Variants in CHD9 observed in about 807,000 individuals in gnomAD.
CHD9 encodes chromodomain helicase DNA binding protein 9.
CHD9 carries 77 observed loss-of-function variants against 316.1 expected under a neutral mutation model. The ratio of observed to expected loss-of-function variants is 0.24; its 90% confidence interval spans 0.20 to 0.29. CHD9 has a LOEUF of 0.29. CHD9 is among the 10% of genes least tolerant of loss of function. CHD9 has a pLI of 1.00. For missense variants in CHD9, 2,763 were observed against 3,438.1 expected (o/e 0.80, Z 4.91); for synonymous variants, 1,129 against 1,158.3 (o/e 0.97, Z 0.51).
At chr16:53,203,663 T>A (rs1680531338) in intron 2 of CHD9, among the ~76,000 whole-genome samples, 1 of 152,168 alleles carries the variant, frequency 6.6e-6, no homozygotes, top group African/African-American at 2.4e-5. Flanking sequence ...TGAAAATTTA[T>A]TGTTCTGTGT....
At chr16:53,210,869 C>T (rs1215173848) in intron 3 of CHD9, among the ~76,000 whole-genome samples, 1 of 151,894 alleles carries the variant, frequency 6.6e-6, no homozygotes, top group East Asian at 1.9e-4. Context: ...ATAATATGGG[C>T]TCTCTTGTTA....
chr16:53,128,094 G>A (rs189050269), intron 1 of CHD9, among the ~76,000 whole-genome samples: 98 of 152,254 alleles, frequency 6.4e-4, no homozygotes, highest in Admixed American at 2.5e-3. Flanking sequence ...GAGCCACTCC[G>A]TCATAGCACA....
chr16:53,258,992 A>T (rs1256338074), intron 19 of CHD9, among the ~76,000 whole-genome samples: 2 of 152,182 alleles, frequency 1.3e-5, no homozygotes, highest in African/African-American at 2.4e-5. Context: ...ACTGTCTGTC[A>T]TAGGAAGATG....
intron 24 of CHD9, among the ~76,000 whole-genome samples, chr16:53,283,484 T>C (rs1250135110): frequency 6.6e-6 from 1 of 152,200 alleles, no homozygotes; most frequent in Admixed American, 6.5e-5. Context: ...CAGGAAAACC[T>C]TCCACCTCAG....
chr16:53,254,607 T>C lies in CHD9; in HGVS notation c.4029+2T>C, dbSNP rs1359962745. On this transcript the variant is annotated splice_donor_variant, in intron 18 of 38. Coordinates refer to ENST00000447540, the MANE Select transcript of CHD9 (RefSeq NM_001308319.2). LOFTEE classifies it high-confidence loss of function. ...GGAAGAGAAAGTAATGTTGGTGGTG[T>C]ATGTATAGTTTCTTTTTCACTTGAG... is the stretch of plus-strand genomic sequence containing the variant. 6.3e-7 allele frequency: 1 copy of C among 1,579,600 alleles called. No individual in the cohort carries two copies. The highest frequency in any genetic ancestry group is 1.8e-5 in the Admixed American group (1 of 56,950).
At chr16:53,146,415 G>GTGTATATATATATATATATA (rs1224485632) in intron 1 of CHD9, among the ~76,000 whole-genome samples, 1 of 64,450 alleles carries the variant, frequency 1.6e-5, no homozygotes, top group Admixed American at 2.1e-4. Context: ...GTGTGTGTGT[G>GTGTATATATATATATATATA]TATGTATATA....
rs2054025437 is a variant in CHD9, at chr16:53,287,961, G to A, written c.5194G>A (p.Val1732Met). The A allele has an allele frequency of 6.2e-7, 1 of 1,606,972 alleles. No individual in the cohort carries two copies. Among genetic ancestry groups the A allele is most frequent in the African/African-American group, 1.3e-5 (1 of 74,818 alleles). The change falls in exon 27 of 39, where the codon GTG becomes ATG. Residue 1732 changes from valine to methionine, a missense_variant. This residue lies in a region of CHD9 where 183 missense variants were observed against 258.5 expected (regional missense o/e 0.71). Transcript: ENST00000447540. ...QRANDYMDGD[V>M]EDPEYKPAPA... The stretch of plus-strand genomic sequence containing the variant: ...CATTTGTTTGTATTTTAACAGGGAT[G>A]TGGAAGATCCAGAATACAAACCTGC...
At chr16:53,121,566 G>A in intron 1 of CHD9, 1 of 364,190 alleles carries the variant, frequency 2.7e-6, no homozygotes, top group Non-Finnish European at 5.4e-6. Flanking sequence ...ACCTGACCCT[G>A]ATTAAGTGGG....
At chr16:53,304,649 C>G in intron 31 of CHD9, 24 bp downstream of exon 31, 2 of 1,395,302 alleles carry the variant, frequency 1.4e-6, no homozygotes, top group South Asian at 1.5e-5. Flanking sequence ...AATAATTCTA[C>G]TTTTTTAACA....
Position 53,157,024 on chromosome 16 carries a change from C to T in CHD9, c.935C>T (p.Ser312Leu), listed in dbSNP as rs1346485723. 2.5e-6 allele frequency: 4 copies of T among 1,612,718 alleles called. No individual in the cohort carries two copies. Among genetic ancestry groups the T allele is most frequent in the Non-Finnish European group, 2.5e-6 (3 of 1,179,508 alleles). Residue 312 changes from serine (S) to leucine (L), a missense_variant, in exon 2 of 39, where the codon TCA becomes TTA. By Grantham distance (145) the Ser-to-Leu change is moderately radical. Around this residue, in one of 15 missense-constraint regions of CHD9, gnomAD observed 859 missense variants for 890.4 expected, o/e 0.96. Coordinates refer to ENST00000447540, the MANE Select transcript of CHD9 (RefSeq NM_001308319.2). ...LSDFTGSNSFSPHRGIKQEST... is the reference protein window; with the variant it reads ...LSDFTGSNSFLPHRGIKQEST... Reference sequence around the variant, plus strand: ...GATTTTACTGGAAGTAATTCCTTTTCACCTCATAGAGGAATCAAGCAAGAA... The same window carrying T: ...GATTTTACTGGAAGTAATTCCTTTTTACCTCATAGAGGAATCAAGCAAGAA...
intron 19 of CHD9, 109 bp from the exon 20 acceptor site, chr16:53,262,878 A>G (rs2051285329): frequency 2.3e-6 from 2 of 854,382 alleles, no homozygotes; most frequent in Admixed American, 4.2e-5. Context: ...ACACCCTTTG[A>G]TGTATGAGTA....
intron 30 of CHD9, among the ~76,000 whole-genome samples, chr16:53,301,703 A>G (rs924634815): frequency 6.6e-6 from 1 of 151,206 alleles, no homozygotes; most frequent in South Asian, 2.1e-4. Flanking sequence ...ATTACAGAAG[A>G]GTACAAAAAA....
At chr16:53,248,931 A>G (rs1469479770) in intron 16 of CHD9, among the ~76,000 whole-genome samples, 4 of 152,114 alleles carry the variant, frequency 2.6e-5, no homozygotes, top group Non-Finnish European at 4.4e-5. Flanking sequence ...TTTTATTTCT[A>G]GTTCCATTTT....
rs757751104 is a variant in CHD9 at position 53,324,222 on chromosome 16, C to G, written c.8021C>G (p.Ala2674Gly). The change falls in exon 39 of 39, where the codon GCC becomes GGC. Residue 2674 changes from alanine to glycine, a missense_variant. Ala to Gly is a moderately conservative substitution (Grantham distance 60). Coordinates refer to ENST00000447540, the MANE Select transcript of CHD9 (RefSeq NM_001308319.2). The part of the protein sequence containing the change: ...LPGVDLTTLQ[A>G]LQQNLQNLQS... ...GGTGTGGATCTCACAACTCTTCAGG[C>G]CTTACAACAAAACCTACAAAACTTG... is the stretch of plus-strand genomic sequence containing the variant. 3.1e-6 allele frequency: 5 copies of G among 1,610,658 alleles called. No individual in the cohort carries two copies. The highest frequency in any genetic ancestry group is 4.2e-6 in the Non-Finnish European group (5 of 1,178,560).
intron 1 of CHD9, among the ~76,000 whole-genome samples, chr16:53,150,369 A>G (rs549100761): frequency 2.6e-5 from 4 of 152,316 alleles, no homozygotes; most frequent in East Asian, 1.9e-4. Flanking sequence ...TGGTATACAC[A>G]TGCTCTGCTC....
chr16:53,101,879 A>T (rs1381218549), intron 1 of CHD9, among the ~76,000 whole-genome samples: 2 of 152,152 alleles, frequency 1.3e-5, no homozygotes, highest in Non-Finnish European at 2.9e-5. Context: ...GGAGTTGGGC[A>T]TTTCCATGTC....
At chr16:53,094,441 C>T (rs1028341074) in intron 1 of CHD9, among the ~76,000 whole-genome samples, 2 of 152,048 alleles carry the variant, frequency 1.3e-5, no homozygotes, top group Non-Finnish European at 2.9e-5. Flanking sequence ...TTCCCAGCCC[C>T]GTCACAGTGA....
chr16:53,061,460 G>A (rs756661078), intron 1 of CHD9, among the ~76,000 whole-genome samples: 1 of 152,132 alleles, frequency 6.6e-6, no homozygotes, highest in Non-Finnish European at 1.5e-5. Context: ...AGCAGATCAC[G>A]AGAAAAGGAT....
chr16:53,181,146 G>A (rs1418100324), intron 2 of CHD9, among the ~76,000 whole-genome samples: 1 of 151,938 alleles, frequency 6.6e-6, no homozygotes, highest in African/African-American at 2.4e-5. Flanking sequence ...GAGTAGCTGG[G>A]ATTACAGGCA....
Sources: gnomAD v4.1 joint callset for allele counts (sites outside exome capture counted in the v4.1 genomes callset) on GRCh38, gnomAD v4.1.1 for gene constraint, gnomAD v4.1.1 regional missense constraint, MANE v1.5 for transcripts, NCBI Gene and HGNC (gene_info 2026-07-23, HGNC 2026-07-21) for gene names.